UBQLN1: variants seen among roughly 807,000 people sequenced by gnomAD.
UBQLN1 encodes ubiquilin-1.
A neutral mutation model predicts 65.4 loss-of-function variants in UBQLN1; 13 were observed. The observed-to-expected ratio is 0.20, with a 90% CI of 0.13 to 0.32. UBQLN1 has a LOEUF of 0.32. Among genes scored for constraint, UBQLN1 ranks in the 10% least tolerant of loss-of-function variants. The probability of loss-of-function intolerance (pLI) is 1.00; values close to 1 mark genes in which losing one functional copy is unlikely to be tolerated. For synonymous variants in UBQLN1, 267 were observed against 247.8 expected (o/e 1.08, Z -0.73); for missense variants, 561 against 724.0 (o/e 0.77, Z 2.58).
rs1831911143 is a variant in UBQLN1 at position 83,679,877 on chromosome 9, G to T, written c.609C>A (p.Asp203Glu). 1 of 1,614,058 alleles carries T rather than the reference G, an allele frequency of 6.2e-7. No homozygotes were observed. Among genetic ancestry groups the T allele is most frequent in the East Asian group, 2.2e-5 (1 of 44,874 alleles). The change falls in exon 4 of 11, where the codon GAC becomes GAA. Residue 203 changes from aspartate (D) to glutamate (E), a missense_variant. Asp to Glu is a conservative substitution (Grantham distance 45). Transcript: ENST00000376395. ...PFVQSMLSNP[D>E]LMRQLIMANP... ...TGGCCATAATTAACTGTCTCATCAG[G>T]TCAGGATTTGAGAGCATGCTCTGAA...
At position 83,669,174 on chromosome 9, in the gene UBQLN1, T is replaced by C; in HGVS notation, c.1248+11A>G. The C allele has an allele frequency of 6.2e-7, 1 of 1,600,472 alleles. No homozygotes were observed. The highest frequency in any genetic ancestry group is 8.5e-7 in the Non-Finnish European group (1 of 1,177,316). Reference sequence around the variant, plus strand: ...ACTGCACAGTCTTTTTCAATACAATTACAAACTCACCTGTGCAGCAAGGTC... The same window carrying C: ...ACTGCACAGTCTTTTTCAATACAATCACAAACTCACCTGTGCAGCAAGGTC... On this transcript the variant is annotated intron_variant, in intron 7 of 10. Coordinates refer to ENST00000376395, the MANE Select transcript of UBQLN1 (RefSeq NM_013438.5).
At chr9:83,705,055 GA>G (rs1424641343) in intron 1 of UBQLN1, among the ~76,000 whole-genome samples, 1 of 151,984 alleles carries the variant, frequency 6.6e-6, no homozygotes, top group Admixed American at 6.6e-5. Flanking sequence ...AGGAATCCTA[GA>G]AAAGAGATCC....
At chr9:83,680,721 A>T (rs1271386475) in intron 3 of UBQLN1, among the ~76,000 whole-genome samples, 1 of 152,210 alleles carries the variant, frequency 6.6e-6, no homozygotes, top group Non-Finnish European at 1.5e-5. Context: ...CTTTATAATA[A>T]ACAGGTAAAC....
At position 83,677,891 on chromosome 9, in the gene UBQLN1, G is replaced by A. The variant is rs778447675; in HGVS notation, c.941C>T (p.Thr314Ile). 6.8e-5 allele frequency: 110 copies of A among 1,614,036 alleles called. 2 individuals carry two copies. The South Asian group carries it at 1.1e-3, about 16-fold the overall frequency. ...SSGEGSQPSR[T>I]ENRDPLPNPW... ...ATTGGGTAGTGGATCTCTATTTTCT[G>A]TACGGGAAGGTTGACTACCTTCACC... The change falls in exon 6 of 11, where the codon ACA (threonine) becomes ATA (isoleucine). Residue 314 changes from threonine (T) to isoleucine (I), a missense_variant. Coordinates refer to ENST00000376395, the MANE Select transcript of UBQLN1 (RefSeq NM_013438.5).
chr9:83,693,047 C>T (rs1313188313), intron 1 of UBQLN1, among the ~76,000 whole-genome samples: 1 of 152,150 alleles, frequency 6.6e-6, no homozygotes, highest in Non-Finnish European at 1.5e-5. Context: ...ATCCATATTT[C>T]CTACAAATGT....
Position 83,660,481 on chromosome 9 carries a change from C to T in UBQLN1, c.*1306G>A, listed in dbSNP as rs1414622550. 1.3e-5 allele frequency: 2 copies of T among 152,542 alleles called. No individual in the cohort carries two copies. The highest frequency in any genetic ancestry group is 2.9e-5 in the Non-Finnish European group (2 of 68,012). The allele number at this position is 152,542 out of a possible 1,614,324, so 9.4% of individuals were successfully genotyped here. On this transcript the variant is annotated 3_prime_UTR_variant, in exon 11 of 11. Transcript: ENST00000376395. ...GTTTGGGAGTTAGGCAAACAGAATTCTTTGGGGGAGGGAAGAAAAAGGCTA... is the reference window on the plus strand; with the variant it reads ...GTTTGGGAGTTAGGCAAACAGAATTTTTTGGGGGAGGGAAGAAAAAGGCTA...
At chr9:83,690,845 T>A (rs888113403) in intron 1 of UBQLN1, among the ~76,000 whole-genome samples, 1 of 152,056 alleles carries the variant, frequency 6.6e-6, no homozygotes, top group African/African-American at 2.4e-5. Flanking sequence ...AGCTAAAATA[T>A]GCCTCAATGG....
At chr9:83,663,098 G>A (rs1439274323) in intron 10 of UBQLN1, among the ~76,000 whole-genome samples, 3 of 150,282 alleles carry the variant, frequency 2.0e-5, no homozygotes, top group Admixed American at 6.7e-5. Flanking sequence ...AGGCAAAGAG[G>A]GGAAAGAGGA....
intron 1 of UBQLN1, among the ~76,000 whole-genome samples, chr9:83,705,873 TAGGCTCTATGGGATCCCATTTAATGTTA>T (rs1429248659): frequency 7.2e-6 from 1 of 138,954 alleles, no homozygotes; most frequent in Non-Finnish European, 1.6e-5. Context: ...CACAGTACTA[TAGGCTCTATGGGATCCCATTTAATGTTA>T]AGTTCTAAAA....
chr9:83,707,382 G>A, intron 1 of UBQLN1, 118 bp downstream of exon 1: 1 of 1,144,902 alleles, frequency 8.7e-7, no homozygotes, highest in South Asian at 1.6e-5. Flanking sequence ...TTGGGACGAC[G>A]CCCGGGAGAA....
chr9:83,702,702 C>T (rs1832331644), intron 1 of UBQLN1, among the ~76,000 whole-genome samples: 1 of 152,162 alleles, frequency 6.6e-6, no homozygotes, highest in African/African-American at 2.4e-5. Flanking sequence ...CTTAACACAT[C>T]TCACTTTTTA....
intron 1 of UBQLN1, among the ~76,000 whole-genome samples, chr9:83,692,028 G>A (rs1447507040): frequency 6.6e-6 from 1 of 152,132 alleles, no homozygotes; most frequent in Non-Finnish European, 1.5e-5. Flanking sequence ...AAATTGATTT[G>A]TTCTGAGTAA....
chr9:83,669,957 T>C (rs1831704487), intron 6 of UBQLN1, among the ~76,000 whole-genome samples: 1 of 152,174 alleles, frequency 6.6e-6, no homozygotes, highest in Non-Finnish European at 1.5e-5. Context: ...ATACTTCAGG[T>C]TCCCCATCTG....
At chr9:83,688,469 G>T (rs966569942) in intron 1 of UBQLN1, among the ~76,000 whole-genome samples, 3 of 152,066 alleles carry the variant, frequency 2.0e-5, no homozygotes, top group Admixed American at 6.6e-5. Context: ...CAAAATTTTT[G>T]ATATCCCTCG....
intron 6 of UBQLN1, among the ~76,000 whole-genome samples, chr9:83,670,671 T>G (rs1831714600): frequency 6.6e-6 from 1 of 152,194 alleles, no homozygotes. Flanking sequence ...AACGATGAAG[T>G]TTGCCACATC....
chr9:83,663,806 C>T lies in UBQLN1; in HGVS notation c.1617+69G>A. 9.1e-6 allele frequency: 14 copies of T among 1,530,478 alleles called. No individual in the cohort carries two copies. The Admixed American group carries it at 1.0e-4, about 11-fold the overall frequency. The allele number at this position is 1,530,478 out of a possible 1,614,324, so 94.8% of individuals were successfully genotyped here. A position where few individuals can be genotyped will look rare whatever the true frequency, so the allele number is the denominator to read the frequency against. The stretch of plus-strand genomic sequence containing the variant: ...TGCTTTCCTTTTTTCTCCCTTTTTC[C>T]TTCTTTTTGGAAATTTCTAAATTTC... On this transcript the variant is annotated intron_variant, in intron 10 of 10. Coordinates refer to ENST00000376395, the MANE Select transcript of UBQLN1 (RefSeq NM_013438.5).
chr9:83,664,619 A>C (rs1374396388), intron 9 of UBQLN1, among the ~76,000 whole-genome samples: 1 of 151,790 alleles, frequency 6.6e-6, no homozygotes. Context: ...ATAAATAAAA[A>C]CGGTGGGGGA....
At chr9:83,684,996 T>C (rs1832015550) in intron 2 of UBQLN1, among the ~76,000 whole-genome samples, 2 of 152,154 alleles carry the variant, frequency 1.3e-5, no homozygotes. Context: ...ACTACATGCC[T>C]GCACATGTAG....
At chr9:83,664,076 G>T in intron 9 of UBQLN1, 33 bp from the exon 10 acceptor site, 1 of 1,585,186 alleles carries the variant, frequency 6.3e-7, no homozygotes, top group Non-Finnish European at 8.6e-7. Context: ...ATATCCTAAG[G>T]TCCTGCAAAA....
Sources: allele counts gnomAD v4.1 joint callset (sites outside exome capture counted in the v4.1 genomes callset), GRCh38; gene constraint gnomAD v4.1.1; transcripts MANE v1.5; gene names NCBI Gene and HGNC (gene_info 2026-07-23, HGNC 2026-07-21).